The following MAST4 variants were observed in gnomAD, a reference collection of about 807,000 sequenced individuals.
MAST4 encodes the protein microtubule-associated serine/threonine-protein kinase 4.
In MAST4, 89 loss-of-function variants were observed where a neutral mutation model predicts 162.7. The ratio of observed to expected loss-of-function variants is 0.55; its 90% CI spans 0.46 to 0.65. The LOEUF is 0.65. Among genes scored for constraint, MAST4 ranks in the 30% least tolerant of loss-of-function variants. The probability of loss-of-function intolerance (pLI) is 0.00; values close to 1 mark genes in which losing one functional copy is unlikely to be tolerated. For missense variants in MAST4, 3,153 were observed against 3,374.0 expected, an observed-to-expected ratio of 0.93 and a Z score of 1.62; for synonymous variants, 1,479 against 1,361.1, an observed-to-expected ratio of 1.09 and a Z score of -1.91.
chr5:66,671,222 T>C (rs1172884773), intron 1 of MAST4, among the ~76,000 whole-genome samples: 1 of 152,224 alleles, frequency 6.6e-6, no homozygotes, highest in Non-Finnish European at 1.5e-5. Flanking sequence ...TCTATTTCTA[T>C]TTCACTTGGC....
chr5:67,096,766 T>C (rs923956073), intron 7 of MAST4, among the ~76,000 whole-genome samples: 2 of 152,210 alleles, frequency 1.3e-5, no homozygotes, highest in Non-Finnish European at 2.9e-5. Flanking sequence ...TGGTATTTCA[T>C]TGAGCAGAGG....
intron 11 of MAST4, among the ~76,000 whole-genome samples, chr5:67,112,148 T>C (rs1265568264): frequency 6.6e-6 from 1 of 152,058 alleles, no homozygotes; most frequent in East Asian, 1.9e-4. Context: ...TTAACCAAAA[T>C]GGGAAATATC....
At chr5:66,692,173 G>T (rs904925749) in intron 1 of MAST4, among the ~76,000 whole-genome samples, 1 of 151,986 alleles carries the variant, frequency 6.6e-6, no homozygotes, top group African/African-American at 2.4e-5. Context: ...TCTGTCTCTC[G>T]CTCGCTTGCT....
At chr5:66,816,414 C>G (rs777560829) in intron 3 of MAST4, among the ~76,000 whole-genome samples, 1 of 151,824 alleles carries the variant, frequency 6.6e-6, no homozygotes, top group Non-Finnish European at 1.5e-5. Flanking sequence ...CTCACCTTTC[C>G]TCAAGTTTTA....
intron 4 of MAST4, among the ~76,000 whole-genome samples, chr5:67,033,524 CA>C (rs1755640661): frequency 6.6e-6 from 1 of 152,002 alleles, no homozygotes; most frequent in Non-Finnish European, 1.5e-5. Context: ...AACTCCTGGT[CA>C]AAGTCATAAA....
At chr5:66,718,244 G>GT (rs969580758) in intron 1 of MAST4, among the ~76,000 whole-genome samples, 23 of 150,152 alleles carry the variant, frequency 1.5e-4, no homozygotes, top group African/African-American at 3.0e-4. Flanking sequence ...CTATTTGAAG[G>GT]TTTTTTTTGT....
rs142311169 is a variant in MAST4, at chr5:66,655,483, C to T, written c.363+58465C>T. ...TAATCTGGATGTTGAGATTTCAGTTCTAGGAGTGAATTTGCCAGAGACCAA... is the reference window on the plus strand; with the variant it reads ...TAATCTGGATGTTGAGATTTCAGTTTTAGGAGTGAATTTGCCAGAGACCAA... On this transcript the variant is annotated intron_variant, in intron 1 of 28. Coordinates refer to ENST00000403625, the MANE Select transcript of MAST4 (RefSeq NM_001164664.2). Among the ~76,000 whole-genome samples, 4 of 152,246 alleles carry T rather than the reference C, an allele frequency of 2.6e-5. No individual in the cohort carries two copies. The East Asian group carries it at 7.7e-4, about 29-fold the overall frequency.
chr5:67,143,715 T>G (rs1770701724), intron 21 of MAST4, among the ~76,000 whole-genome samples: 1 of 152,184 alleles, frequency 6.6e-6, no homozygotes, highest in Non-Finnish European at 1.5e-5. Flanking sequence ...GAGAAGGTGG[T>G]AGCCAGTCTG....
In MAST4 at chr5:67,142,139, A is replaced by G. The variant is rs1404748462; in HGVS notation, c.2519A>G (p.His840Arg). ...GTGGAYEVKQHRFFRSLDWNS... is the reference protein window; with the variant it reads ...GTGGAYEVKQRRFFRSLDWNS... The stretch of plus-strand genomic sequence containing the variant: ...GGTGGTGCATATGAAGTCAAACAGC[A>G]TCGATTCTTCCGTTCTTTAGACTGG... Residue 840 changes from histidine (H) to arginine (R), a missense_variant, in exon 20 of 29, where the codon CAT (histidine) becomes CGT (arginine). By Grantham distance (29) the His-to-Arg change is conservative. Around this residue, in one of 7 missense-constraint regions of MAST4, gnomAD observed 62 missense variants for 63.1 expected, o/e 0.98. Transcript: ENST00000403625. The G allele has an allele frequency of 6.2e-6, 10 of 1,613,872 alleles. No individual in the cohort carries two copies. The highest frequency in any genetic ancestry group is 2.7e-5 in the African/African-American group (2 of 74,946).
Position 67,091,975 on chromosome 5 carries a change from T to C in MAST4, c.833+1744T>C, listed in dbSNP as rs115142481. ...CATGAGTGATCATCATTTTAAATTG[T>C]TATTCAAGTAAACAGAACCCTGTGT... is the stretch of plus-strand genomic sequence containing the variant. On this transcript the variant is annotated intron_variant, in intron 6 of 28. Coordinates refer to ENST00000403625, the MANE Select transcript of MAST4 (RefSeq NM_001164664.2). 9.1e-3 allele frequency among the ~76,000 whole-genome samples: 1,393 copies of C among 152,320 alleles called. 20 individuals are homozygous for C. The highest frequency in any genetic ancestry group is 0.03 in the African/African-American group (1,254 of 41,576).
chr5:66,615,553 A>T (rs150689453), intron 1 of MAST4, among the ~76,000 whole-genome samples: 1 of 152,080 alleles, frequency 6.6e-6, no homozygotes, highest in East Asian at 1.9e-4. Flanking sequence ...GGTGGCTCAC[A>T]CTTGTAATCC....
chr5:66,897,392 G>A (rs1041982913), intron 3 of MAST4, among the ~76,000 whole-genome samples: 8 of 152,228 alleles, frequency 5.3e-5, no homozygotes, highest in South Asian at 4.1e-4. Context: ...ACTTGATGCC[G>A]TTCATTGACG....
At chr5:66,743,303 T>C (rs1032837628) in intron 1 of MAST4, among the ~76,000 whole-genome samples, 1 of 152,206 alleles carries the variant, frequency 6.6e-6, no homozygotes, top group Non-Finnish European at 1.5e-5. Context: ...TAGTTCATGT[T>C]CCCTTGAGAG....
In MAST4 at chr5:67,153,340, A is replaced by G. The variant is rs1293671961; in HGVS notation, c.3526-118A>G. 3 of 1,065,198 alleles carry G rather than the reference A, an allele frequency of 2.8e-6. No individual in the cohort carries two copies. The African/African-American group carries it at 4.9e-5, about 17-fold the overall frequency. The allele number at this position is 1,065,198 out of a possible 1,614,324, so 66.0% of individuals were successfully genotyped here. ...TAGGAATAGTAAACGTACCTGTTAG[A>G]TTTTCTATTAGAGGCTTAGGACATT... On this transcript the variant is annotated intron_variant, in intron 25 of 28. Transcript: ENST00000403625.
At chr5:66,749,237 T>C (rs1752979673) in intron 1 of MAST4, among the ~76,000 whole-genome samples, 1 of 152,114 alleles carries the variant, frequency 6.6e-6, no homozygotes, top group Non-Finnish European at 1.5e-5. Flanking sequence ...ACTGCATCTC[T>C]GAGGTCCAGT....
intron 3 of MAST4, among the ~76,000 whole-genome samples, chr5:66,896,696 G>T (rs886867436): frequency 6.6e-6 from 1 of 152,236 alleles, no homozygotes; most frequent in African/African-American, 2.4e-5. Flanking sequence ...AATTACCACT[G>T]TGGCAGTTGC....
intron 5 of MAST4, among the ~76,000 whole-genome samples, chr5:67,077,544 T>C (rs1176618046): frequency 2.6e-5 from 4 of 152,180 alleles, no homozygotes; most frequent in Non-Finnish European, 4.4e-5. Context: ...GTAGTTACGC[T>C]TTCATCCATC....
chr5:66,836,865 A>AT (rs1192439647), intron 3 of MAST4, among the ~76,000 whole-genome samples: 25 of 152,146 alleles, frequency 1.6e-4, no homozygotes, highest in Non-Finnish European at 3.5e-4. Flanking sequence ...TTATGGAAGA[A>AT]TCTGTACACT....
chr5:66,678,223 G>C (rs1227594953), intron 1 of MAST4, among the ~76,000 whole-genome samples: 1 of 152,018 alleles, frequency 6.6e-6, no homozygotes, highest in Non-Finnish European at 1.5e-5. Flanking sequence ...CACAGAAGCA[G>C]AGAGTAGAAT....
Sources: allele counts gnomAD v4.1 joint callset (sites outside exome capture counted in the v4.1 genomes callset), GRCh38; gene constraint gnomAD v4.1.1; regional missense constraint gnomAD v4.1.1; transcripts MANE v1.5; gene names NCBI Gene and HGNC (gene_info 2026-07-23, HGNC 2026-07-21).